The following DNAH10 variants were observed in gnomAD, a reference collection of about 807,000 sequenced individuals.
DNAH10 encodes the protein axonemal beta dynein heavy chain 10.
Under a neutral mutation model 506.6 loss-of-function variants are expected in DNAH10, and 348 were observed. The observed-to-expected ratio is 0.69, with a 90% CI of 0.63 to 0.75. DNAH10 has a LOEUF of 0.75. Among genes scored for constraint, DNAH10 ranks in the 30% least tolerant of loss-of-function variants. DNAH10 has a pLI of 0.00. For missense variants in DNAH10, 5,179 were observed against 5,787.1 expected (o/e 0.89, Z 3.41); for synonymous variants, 2,059 against 2,198.6 (o/e 0.94, Z 1.78).
intron 39 of DNAH10, among the ~76,000 whole-genome samples, 186 bp downstream of exon 39, chr12:123,861,356 A>G (rs998281351): frequency 6.6e-6 from 1 of 152,208 alleles, no homozygotes; most frequent in African/African-American, 2.4e-5. Flanking sequence ...GTGTGACCTC[A>G]GTTGTCTTAG....
chr12:123,885,454 T>A (rs1016363906), intron 51 of DNAH10, among the ~76,000 whole-genome samples: 3 of 152,222 alleles, frequency 2.0e-5, no homozygotes, highest in Non-Finnish European at 2.9e-5. Context: ...TGTTTATGTA[T>A]CTTTGAATAT....
chr12:123,762,530 A>C lies in DNAH10; in HGVS notation c.194A>C (p.Glu65Ala), dbSNP rs763635181. 11 of 1,558,338 alleles carry C rather than the reference A, an allele frequency of 7.1e-6. 1 individual carries two copies. In the South Asian group the frequency reaches 9.5e-5, roughly 14 times the overall value. The change falls in exon 1 of 79, where the codon GAG (glutamate) becomes GCG (alanine). Residue 65 changes from glutamate (E) to alanine (A), a missense_variant. This residue lies in a region of DNAH10 where 326 missense variants were observed against 330.8 expected (regional missense o/e 0.99). Coordinates refer to ENST00000673944, the MANE Select transcript of DNAH10 (RefSeq NM_001372106.1). The surrounding 1 kb of genome is among the most constrained non-coding windows in gnomAD (Gnocchi z 5.0). ...ALFIYRTMVPEEVEVEIDEIP... is the reference protein window; with the variant it reads ...ALFIYRTMVPAEVEVEIDEIP... ...TTCATCTACCGCACTATGGTGCCGG[A>C]GGAGGTGGAGGTGGAGATTGGTGAG... is the stretch of plus-strand genomic sequence containing the variant.
At chr12:123,784,587 C>T (rs1957781178) in intron 8 of DNAH10, among the ~76,000 whole-genome samples, 1 of 152,194 alleles carries the variant, frequency 6.6e-6, no homozygotes, top group Admixed American at 6.5e-5. Context: ...ATAAAATAGA[C>T]ATGACATGAT....
At position 123,787,842 on chromosome 12, in the gene DNAH10, C is replaced by A. The variant is rs1957919623; in HGVS notation, c.1460C>A (p.Ala487Asp). Reference sequence around the variant, plus strand: ...AGTGCCCAAAGCAAAACCTTGGAAGCCAGGAACACCCTCAGGCTGTGGAAA... The same window carrying A: ...AGTGCCCAAAGCAAAACCTTGGAAGACAGGAACACCCTCAGGCTGTGGAAA... ...RASAQSKTLE[A>D]RNTLRLWKKA... Residue 487 changes from alanine (A) to aspartate (D), a missense_variant, in exon 10 of 79, where the codon GCC (alanine) becomes GAC (aspartate). This residue lies in a region of DNAH10 where 4,844 missense variants were observed against 5,430.5 expected (regional missense o/e 0.89). Transcript: ENST00000673944. The surrounding 1 kb of genome is among the most constrained non-coding windows in gnomAD (Gnocchi z 4.6). The A allele has an allele frequency of 6.2e-7, 1 of 1,613,932 alleles. No individual in the cohort carries two copies. Among genetic ancestry groups the A allele is most frequent in the African/African-American group, 1.3e-5 (1 of 74,938 alleles).
intron 41 of DNAH10, among the ~76,000 whole-genome samples, chr12:123,866,551 T>C (rs1474415905): frequency 6.6e-6 from 1 of 152,178 alleles, no homozygotes; most frequent in Non-Finnish European, 1.5e-5. Flanking sequence ...GACACACTTA[T>C]TTAATTTCAG....
rs755986415 is a variant in DNAH10 at position 123,933,418 on chromosome 12, CG to C, written c.13386del (p.Lys4463ArgfsTer15). 54 of 1,612,422 alleles carry C rather than the reference CG, an allele frequency of 3.3e-5. No homozygotes were observed. The highest frequency in any genetic ancestry group is 4.3e-5 in the Non-Finnish European group (51 of 1,179,724). ...YLTALVQATCRKNGWPLDRST... is the reference protein window; with the variant it reads ...YLTALVQATCXKNGWPLDRST... The stretch of plus-strand genomic sequence containing the variant: ...CACGGCGCTGGTGCAGGCCACCTGC[CG>C]GAAGAACGGCTGGCCACTGGACCGC... On this transcript the variant is annotated frameshift_variant, in exon 77 of 79. Coordinates refer to ENST00000673944, the MANE Select transcript of DNAH10 (RefSeq NM_001372106.1). LOFTEE classifies it high-confidence loss of function.
chr12:123,881,521 G>A, intron 50 of DNAH10, 104 bp from the exon 51 acceptor site: 1 of 1,181,576 alleles, frequency 8.5e-7, no homozygotes, highest in Non-Finnish European at 1.1e-6. Context: ...TCGTAAATTT[G>A]TTTAAGTTCT....
chr12:123,813,445 G>T lies in DNAH10; in HGVS notation c.3426G>T (p.Lys1142Asn), dbSNP rs1353585133. Residue 1142 changes from lysine (K) to asparagine (N), a missense_variant, in exon 20 of 79, where the codon AAG (lysine) becomes AAT (asparagine). Lys to Asn is a moderately conservative substitution (Grantham distance 94). Around this residue, in one of 3 missense-constraint regions of DNAH10, gnomAD observed 4,844 missense variants for 5,430.5 expected, o/e 0.89. Coordinates refer to ENST00000673944, the MANE Select transcript of DNAH10 (RefSeq NM_001372106.1). ...KKPPCVAYDE[K>N]LQFYSKIAYE... ...CTCCTTGTGTAGCATATGATGAAAAGTTGCAGTTCTATTCCAAGATAGCTT... is the reference window on the plus strand; with the variant it reads ...CTCCTTGTGTAGCATATGATGAAAATTTGCAGTTCTATTCCAAGATAGCTT... 6.2e-7 allele frequency: 1 copy of T among 1,614,220 alleles called. No individual in the cohort carries two copies. The highest frequency in any genetic ancestry group is 1.7e-5 in the Admixed American group (1 of 60,030).
At position 123,919,649 on chromosome 12, in the gene DNAH10, C is replaced by T. The variant is rs115250187; in HGVS notation, c.11506+700C>T. ...CCCACTCCTAGTCCCTGGCAGTCAC[C>T]GCTCTGCCTTCCATCTGTAAGGATT... On this transcript the variant is annotated intron_variant, in intron 65 of 78. Coordinates refer to ENST00000673944, the MANE Select transcript of DNAH10 (RefSeq NM_001372106.1). This position sits in a 1 kb window ranked among gnomAD's most constrained non-coding sequence, Gnocchi z 4.9. Among the ~76,000 whole-genome samples the T allele has an allele frequency of 5.0e-3, 757 of 152,318 alleles. 3 individuals carry two copies. Among genetic ancestry groups the T allele is most frequent in the African/African-American group, 0.017 (706 of 41,558 alleles).
At position 123,841,547 on chromosome 12, in the gene DNAH10, T is replaced by C. The variant is rs1365701680; in HGVS notation, c.5360+2T>C. ...TAGATACTGTGAAGACAGAAGCAGGTAAGGCTGCGAATGTGGACATGCATT... is the reference window on the plus strand; with the variant it reads ...TAGATACTGTGAAGACAGAAGCAGGCAAGGCTGCGAATGTGGACATGCATT... On this transcript the variant is annotated splice_donor_variant, in intron 30 of 78. Transcript: ENST00000673944. LOFTEE classifies it high-confidence loss of function. 2 of 1,613,012 alleles carry C rather than the reference T, an allele frequency of 1.2e-6. No individual in the cohort carries two copies. Among genetic ancestry groups the C allele is most frequent in the South Asian group, 2.2e-5 (2 of 91,046 alleles).
At position 123,928,658 on chromosome 12, in the gene DNAH10, C is replaced by A; in HGVS notation, c.12306+71C>A. ...AGAACACCTGCATGCTGCTCTGGGGCCGGGGTGTGCCTTTGTCTGTGTAGA... is the reference window on the plus strand; with the variant it reads ...AGAACACCTGCATGCTGCTCTGGGGACGGGGTGTGCCTTTGTCTGTGTAGA... On this transcript the variant is annotated intron_variant, in intron 70 of 78. Coordinates refer to ENST00000673944, the MANE Select transcript of DNAH10 (RefSeq NM_001372106.1). The surrounding 1 kb of genome is among the most constrained non-coding windows in gnomAD (Gnocchi z 4.9). The A allele has an allele frequency of 6.8e-7, 1 of 1,479,274 alleles. No individual in the cohort carries two copies. The allele number at this position is 1,479,274 out of a possible 1,614,324, so 91.6% of individuals were successfully genotyped here. A position where few individuals can be genotyped will look rare whatever the true frequency, so the allele number is the denominator to read the frequency against.
chr12:123,851,071 G>A lies in DNAH10; in HGVS notation c.6286G>A (p.Ala2096Thr). 6.3e-7 allele frequency: 1 copy of A among 1,599,074 alleles called. No individual in the cohort carries two copies. Among genetic ancestry groups the A allele is most frequent in the Non-Finnish European group, 8.5e-7 (1 of 1,170,028 alleles). ...GCTCTTCTCTGAGGGCTTCCTGGAGGCCAAGGTGGGGGGCCTTGGCAGCGC... is the reference window on the plus strand; with the variant it reads ...GCTCTTCTCTGAGGGCTTCCTGGAGACCAAGGTGGGGGGCCTTGGCAGCGC... ...IMLFSEGFLE[A>T]KTLAKKMTVL... Residue 2096 changes from alanine (A) to threonine (T), a missense_variant, in exon 35 of 79, where the codon GCC (alanine) becomes ACC (threonine). Coordinates refer to ENST00000673944, the MANE Select transcript of DNAH10 (RefSeq NM_001372106.1).
At chr12:123,840,930 C>G (rs76365936) in intron 29 of DNAH10, among the ~76,000 whole-genome samples, 2 of 152,090 alleles carry the variant, frequency 1.3e-5, no homozygotes, top group Non-Finnish European at 2.9e-5. Context: ...CCCATAGTTG[C>G]GCAATTGGAT....
chr12:123,765,181 T>C (rs1365762922), intron 1 of DNAH10, among the ~76,000 whole-genome samples: 5 of 151,820 alleles, frequency 3.3e-5, no homozygotes, highest in Non-Finnish European at 7.4e-5. Flanking sequence ...GTGGTGGTAA[T>C]AAAGGCGAGG....
intron 25 of DNAH10, among the ~76,000 whole-genome samples, chr12:123,828,999 C>T (rs1960261062): frequency 1.3e-5 from 2 of 152,206 alleles, no homozygotes; most frequent in African/African-American, 4.8e-5. Context: ...GGTTATGTCA[C>T]AGGCTGGCCC....
At chr12:123,844,773 G>A (rs1184697276) in intron 30 of DNAH10, among the ~76,000 whole-genome samples, 1 of 152,036 alleles carries the variant, frequency 6.6e-6, no homozygotes, top group African/African-American at 2.4e-5. Context: ...TGAATAGCTG[G>A]GACCACAGGC....
chr12:123,808,599 G>T (rs1437702687), intron 18 of DNAH10, among the ~76,000 whole-genome samples, 198 bp from the exon 19 acceptor site: 8 of 152,146 alleles, frequency 5.3e-5, no homozygotes, highest in Non-Finnish European at 8.8e-5. Flanking sequence ...TCCAAAAGTG[G>T]AAATGAACTG....
At position 123,823,605 on chromosome 12, in the gene DNAH10, G is replaced by C. The variant is rs548443804; in HGVS notation, c.4179+2847G>C. ...AACAACCACACACATGTCAAAATAA[G>C]TGGTTTTAAAATGTTTAATTTTTCT... On this transcript the variant is annotated intron_variant, in intron 24 of 78. Coordinates refer to ENST00000673944, the MANE Select transcript of DNAH10 (RefSeq NM_001372106.1). 1.1e-4 allele frequency among the ~76,000 whole-genome samples: 16 copies of C among 152,344 alleles called. No homozygotes were observed. In the East Asian group the frequency reaches 3.1e-3, roughly 29 times the overall value.
At chr12:123,859,404 T>C (rs1294916405) in intron 38 of DNAH10, 136 bp downstream of exon 38, 2 of 657,638 alleles carry the variant, frequency 3.0e-6, no homozygotes, top group Non-Finnish European at 4.8e-6. Context: ...CCCTTTCGAC[T>C]CAGCGTGTTT....
Sources: allele counts gnomAD v4.1 joint callset (sites outside exome capture counted in the v4.1 genomes callset), GRCh38; gene constraint gnomAD v4.1.1; regional missense constraint gnomAD v4.1.1; non-coding constraint Gnocchi (gnomAD v3.1); transcripts MANE v1.5; gene names NCBI Gene and HGNC (gene_info 2026-07-23, HGNC 2026-07-21).